VSIG10L: variants seen among roughly 807,000 people sequenced by gnomAD.
VSIG10L encodes the protein V-set and immunoglobulin domain-containing protein 10-like.
Under a neutral mutation model 67.3 loss-of-function variants are expected in VSIG10L, and 63 were observed. The ratio of observed to expected loss-of-function variants is 0.94; its 90% CI spans 0.76 to 1.15. VSIG10L has a LOEUF of 1.15. Among genes scored for constraint, VSIG10L ranks in the 50% most tolerant of loss-of-function variants. The probability of loss-of-function intolerance (pLI) is 0.00; values close to 1 mark genes in which losing one functional copy is unlikely to be tolerated. For missense variants in VSIG10L, 1,050 were observed against 1,177.5 expected (o/e 0.89, Z 1.58); for synonymous variants, 499 against 524.9 (o/e 0.95, Z 0.67).
intron 7 of VSIG10L, among the ~76,000 whole-genome samples, chr19:51,335,653 A>G (rs62116016): frequency 0.16 from 24,725 of 152,168 alleles, 2,146 homozygotes; most frequent in South Asian, 0.23. Flanking sequence ...TCACGCCTGT[A>G]ATCCCAGCAC....
intron 7 of VSIG10L, among the ~76,000 whole-genome samples, chr19:51,335,953 G>A (rs1037548821): frequency 1.2e-4 from 18 of 151,980 alleles, no homozygotes; most frequent in African/African-American, 3.6e-4. Context: ...TAAGTTGGGC[G>A]CATCCTTTTC....
chr19:51,340,722 G>T lies in VSIG10L; in HGVS notation c.900C>A (p.Pro300=). The change falls in exon 3 of 10, where the codon CCC becomes CCA. Residue 300 remains proline, a synonymous_variant. Coordinates refer to ENST00000335624, the MANE Select transcript of VSIG10L (RefSeq NM_001163922.3). The surrounding 1 kb of genome is among the most constrained non-coding windows in gnomAD (Gnocchi z 6.3). Reference sequence around the variant, plus strand: ...TGGGCTGAACCGACAGCTGGGGTAGGGGCTCTGGGAGAGGGAGAATGGGCT... The same window carrying T: ...TGGGCTGAACCGACAGCTGGGGTAGTGGCTCTGGGAGAGGGAGAATGGGCT... ...THEFTVGVYE[P]LPQLSVQPKA... The T allele has an allele frequency of 6.7e-7, 1 of 1,493,142 alleles. No homozygotes were observed. Among genetic ancestry groups the T allele is most frequent in the Non-Finnish European group, 8.9e-7 (1 of 1,124,128 alleles). 92.5% of individuals were successfully genotyped at this position (1,493,142 alleles called of 1,614,324 possible).
At position 51,332,584 on chromosome 19, in the gene VSIG10L, C is replaced by T. The variant is rs1239141155; in HGVS notation, c.*27G>A. ...ACTGGCTCTGATCACACCTGTGTGG[C>T]TGCGCGAACAGTCTTTGAGCCTCCG... On this transcript the variant is annotated 3_prime_UTR_variant, in exon 10 of 10. Transcript: ENST00000335624. 6.4e-7 allele frequency: 1 copy of T among 1,551,482 alleles called. No individual in the cohort carries two copies. Among genetic ancestry groups the T allele is most frequent in the Non-Finnish European group, 8.7e-7 (1 of 1,146,938 alleles).
chr19:51,338,335 G>A, intron 5 of VSIG10L, 127 bp from the exon 6 acceptor site: 1 of 978,906 alleles, frequency 1.0e-6, no homozygotes, highest in South Asian at 2.1e-5. Context: ...AGAAAGAACT[G>A]CCAATTTACT....
At position 51,334,227 on chromosome 19, in the gene VSIG10L, G is replaced by C; in HGVS notation, c.2383C>G (p.Leu795Val). The change falls in exon 8 of 10, where the codon CTC (leucine) becomes GTC (valine). Residue 795 changes from leucine (L) to valine (V), a missense_variant. Leu to Val is a conservative substitution (Grantham distance 32). Around this residue, in one of 3 missense-constraint regions of VSIG10L, gnomAD observed 529 missense variants for 584.9 expected, o/e 0.90. Coordinates refer to ENST00000335624, the MANE Select transcript of VSIG10L (RefSeq NM_001163922.3). ...CACAGGCAGCAGATGCAAAGGAGGA[G>C]AAGTACGGCTAGCAGCGCCAGGCCC... ...LLGLALLAVL[L>V]LLCICCLCRF... 6.4e-7 allele frequency: 1 copy of C among 1,551,864 alleles called. No homozygotes were observed. Among genetic ancestry groups the C allele is most frequent in the Non-Finnish European group, 8.7e-7 (1 of 1,147,036 alleles).
chr19:51,332,839 TTTTATTTA>T lies in VSIG10L; in HGVS notation c.2575-207_2575-200del, dbSNP rs765529298. Among the ~76,000 whole-genome samples the T allele has an allele frequency of 1.1e-3, 171 of 151,890 alleles. 5 individuals carry two copies. In the South Asian group the frequency reaches 0.031, roughly 28 times the overall value. Reference sequence around the variant, plus strand: ...CCAACAACCCAACCCAGTTGTTATTTTTTATTTATTTATTTATTTATTTATTTTGAGAC... The same window carrying T: ...CCAACAACCCAACCCAGTTGTTATTTTTTATTTATTTATTTATTTTGAGAC... On this transcript the variant is annotated intron_variant, in intron 9 of 9. Transcript: ENST00000335624.
chr19:51,332,818 C>A (rs1415488555), intron 9 of VSIG10L, among the ~76,000 whole-genome samples, 178 bp from the exon 10 acceptor site: 2 of 152,118 alleles, frequency 1.3e-5, no homozygotes, highest in Non-Finnish European at 2.9e-5. Flanking sequence ...AGCCAGCCAA[C>A]AACCCAACCC....
rs528921846 is a variant in VSIG10L at position 51,341,340 on chromosome 19, C to T, written c.708G>A (p.Gly236=). The change falls in exon 2 of 10, where the codon GGG becomes GGA. Residue 236 remains glycine, a synonymous_variant. Coordinates refer to ENST00000335624, the MANE Select transcript of VSIG10L (RefSeq NM_001163922.3). ...TCAGAGGTGCCCCTGGCCCCAGGCC[C>T]CCAGCTGCCAGCACCTTTGAGCCCC... ...WRRGSKVLAA[G]GLGPGAPLIS... 4 of 1,541,586 alleles carry T rather than the reference C, an allele frequency of 2.6e-6. No individual in the cohort carries two copies. The South Asian group carries it at 4.8e-5, about 18-fold the overall frequency.
Position 51,342,077 on chromosome 19 carries a change from G to A in VSIG10L, c.40+8C>T, listed in dbSNP as rs879145948. 8.2e-5 allele frequency: 127 copies of A among 1,551,756 alleles called. 1 individual carries two copies. In the East Asian group the frequency reaches 1.9e-3, roughly 24 times the overall value. On this transcript the variant is annotated splice_region_variant and intron_variant, in intron 1 of 9. Transcript: ENST00000335624. This position sits in a 1 kb window ranked among gnomAD's most constrained non-coding sequence, Gnocchi z 4.4. ...ACTGACAGGGAAGGGACTGAGCAGG[G>A]AACTTACCCAGGAGTAGGAAGAGTG...
chr19:51,337,091 C>A, intron 7 of VSIG10L, 147 bp downstream of exon 7: 1 of 1,109,892 alleles, frequency 9.0e-7, no homozygotes, highest in Non-Finnish European at 1.2e-6. Flanking sequence ...GACTTCTGAC[C>A]TCCAGACCTG....
intron 7 of VSIG10L, 73 bp downstream of exon 7, chr19:51,337,165 C>G: frequency 1.4e-6 from 2 of 1,469,580 alleles, no homozygotes; most frequent in Non-Finnish European, 1.8e-6. Flanking sequence ...GGGCAGGCCC[C>G]AGGACACTAA....
Position 51,341,906 on chromosome 19 carries a change from GC to G in VSIG10L, c.141del (p.Leu48TrpfsTer38). On this transcript the variant is annotated frameshift_variant, in exon 2 of 10. Coordinates refer to ENST00000335624, the MANE Select transcript of VSIG10L (RefSeq NM_001163922.3). LOFTEE classifies it high-confidence loss of function. Reference sequence around the variant, plus strand: ...TTGATGGAGGGAACTTCCACACCCAGCCCCTGGGAAGAGCTCTTTGAGTCTG... The same window carrying G: ...TTGATGGAGGGAACTTCCACACCCAGCCCTGGGAAGAGCTCTTTGAGTCTG... ...FSSDSKSSSQ[G>X]LGVEVPSIKP... The G allele has an allele frequency of 6.4e-7, 1 of 1,551,710 alleles. No individual in the cohort carries two copies. Among genetic ancestry groups the G allele is most frequent in the Non-Finnish European group, 8.7e-7 (1 of 1,146,998 alleles).
rs1268182665 is a variant in VSIG10L at position 51,340,220 on chromosome 19, GT to G, written c.1268del (p.Asn423ThrfsTer2). 7.3e-6 allele frequency: 11 copies of G among 1,505,118 alleles called. No homozygotes were observed. The highest frequency in any genetic ancestry group is 2.3e-4 in the Middle Eastern group (1 of 4,322). The allele number at this position is 1,505,118 out of a possible 1,614,324, so 93.2% of individuals were successfully genotyped here. ...AGGCGGCGGCGCAGCGCAAGGTCAC[GT>G]TACTGCCCGCGGTGACAAAGCGGGC... ...APARFVTAGS[N>X]VTLRCAAASR... On this transcript the variant is annotated frameshift_variant, in exon 4 of 10. Coordinates refer to ENST00000335624, the MANE Select transcript of VSIG10L (RefSeq NM_001163922.3). LOFTEE classifies it high-confidence loss of function. The surrounding 1 kb of genome is among the most constrained non-coding windows in gnomAD (Gnocchi z 6.3).
intron 7 of VSIG10L, among the ~76,000 whole-genome samples, chr19:51,336,791 G>A (rs1374768099): frequency 2.0e-4 from 24 of 117,936 alleles, no homozygotes; most frequent in Non-Finnish European, 3.2e-4. Flanking sequence ...TTTTTGAGAC[G>A]GAGTCTGGCT....
rs746642217 is a variant in VSIG10L, at chr19:51,334,327, A to G, written c.2306-23T>C. On this transcript the variant is annotated intron_variant, in intron 7 of 9. Transcript: ENST00000335624. ...GGCCTGGAAGAGACAAAGAGAAGAA[A>G]GAGAAGGGGAACAGGAACCAAGGTT... 1.9e-6 allele frequency: 3 copies of G among 1,547,300 alleles called. No individual in the cohort carries two copies. In the South Asian group the frequency reaches 3.6e-5, roughly 18 times the overall value.
rs1985432379 is a variant in VSIG10L, at chr19:51,334,315, CAAAGAG to C, written c.2306-17_2306-12del. On this transcript the variant is annotated splice_polypyrimidine_tract_variant and intron_variant, in intron 7 of 9. Coordinates refer to ENST00000335624, the MANE Select transcript of VSIG10L (RefSeq NM_001163922.3). Reference sequence around the variant, plus strand: ...GGCTCAACGTGGGGCCTGGAAGAGACAAAGAGAAGAAAGAGAAGGGGAACAGGAACC... The same window carrying C: ...GGCTCAACGTGGGGCCTGGAAGAGACAAGAAAGAGAAGGGGAACAGGAACC... The C allele has an allele frequency of 6.5e-7, 1 of 1,549,134 alleles. No homozygotes were observed. Among genetic ancestry groups the C allele is most frequent in the South Asian group, 1.2e-5 (1 of 83,886 alleles).
chr19:51,333,814 G>C lies in VSIG10L; in HGVS notation c.2551C>G (p.His851Asp). ...PLDLKVPLED[H>D]SSTRAYQAQT... is the part of the protein sequence containing the mutation. ...ACTTGGTAGGCCCTAGTTGAGCTGTGGTCCTCCAGAGGGACTTTGAGGTCC... is the reference window on the plus strand; with the variant it reads ...ACTTGGTAGGCCCTAGTTGAGCTGTCGTCCTCCAGAGGGACTTTGAGGTCC... The change falls in exon 9 of 10, where the codon CAC becomes GAC. Residue 851 changes from histidine to aspartate, a missense_variant. His to Asp is a moderately conservative substitution (Grantham distance 81, BLOSUM62 -1). Transcript: ENST00000335624. 1.3e-6 allele frequency: 2 copies of C among 1,550,448 alleles called. No homozygotes were observed.
intron 7 of VSIG10L, among the ~76,000 whole-genome samples, chr19:51,335,099 G>A (rs922781080): frequency 1.3e-5 from 2 of 152,202 alleles, no homozygotes; most frequent in Non-Finnish European, 2.9e-5. Flanking sequence ...GGGAAAGGGC[G>A]TTCCAAGAGG....
chr19:51,334,080 G>T (rs1599831989), intron 8 of VSIG10L, 111 bp downstream of exon 8: 1 of 1,450,900 alleles, frequency 6.9e-7, no homozygotes, highest in Middle Eastern at 1.8e-4. Context: ...AGGAGGGCAG[G>T]ATGGATGACC....
Sources: allele counts gnomAD v4.1 joint callset (sites outside exome capture counted in the v4.1 genomes callset), GRCh38; gene constraint gnomAD v4.1.1; regional missense constraint gnomAD v4.1.1; non-coding constraint Gnocchi (gnomAD v3.1); transcripts MANE v1.5; gene names NCBI Gene and HGNC (gene_info 2026-07-23, HGNC 2026-07-21).